PIK3R5: variants seen among roughly 807,000 people sequenced by gnomAD.
PIK3R5 encodes phosphoinositide-3-kinase regulatory subunit 5, also known as phosphoinositide 3-kinase regulatory subunit 5.
In PIK3R5, 32 loss-of-function variants were observed where a neutral mutation model predicts 94.9. The ratio of observed to expected loss-of-function variants is 0.34; its 90% CI spans 0.25 to 0.45. The LOEUF (loss-of-function observed/expected upper bound fraction) is 0.45, where lower values mean the gene tolerates loss of function less well. PIK3R5 is among the 20% of genes least tolerant of loss of function. The pLI, the probability that PIK3R5 is intolerant of heterozygous loss-of-function variation, is 1.00. For synonymous variants in PIK3R5, 443 were observed against 479.4 expected (o/e 0.92, Z 0.99); for missense variants, 853 against 1,144.6 (o/e 0.75, Z 3.68).
At chr17:8,961,156 C>A (rs1324952386) in intron 1 of PIK3R5, among the ~76,000 whole-genome samples, 1 of 152,158 alleles carries the variant, frequency 6.6e-6, no homozygotes, top group Admixed American at 6.5e-5. Flanking sequence ...CTAGGAGGAA[C>A]TGGCAGTTCA....
chr17:8,904,950 A>C lies in PIK3R5; in HGVS notation c.274-35T>G. On this transcript the variant is annotated intron_variant, in intron 4 of 18. Transcript: ENST00000447110. This position sits in a 1 kb window ranked among gnomAD's most constrained non-coding sequence, Gnocchi z 5.1. ...AGGCAGGCAACAAGCAAAGAGATCT[A>C]GGTGAGAAAAGGCTCAGATAGTCCC... The C allele has an allele frequency of 1.2e-6, 2 of 1,604,406 alleles. No individual in the cohort carries two copies. The highest frequency in any genetic ancestry group is 2.7e-5 in the African/African-American group (2 of 75,018).
Position 8,948,212 on chromosome 17 carries a change from G to C in PIK3R5, c.-14+17384C>G, listed in dbSNP as rs372403977. Among the ~76,000 whole-genome samples, 54 of 152,248 alleles carry C rather than the reference G, an allele frequency of 3.5e-4. 1 individual carries two copies. Among genetic ancestry groups the C allele is most frequent in the African/African-American group, 1.2e-3 (50 of 41,540 alleles). ...AGAGAAAGCCGAAATGCGCTCCTAT[G>C]TTGCCTCCATCTTTTCCTCCACTTA... is the stretch of plus-strand genomic sequence containing the variant. On this transcript the variant is annotated intron_variant, in intron 1 of 18. Transcript: ENST00000447110.
chr17:8,917,980 A>C (rs994390358), intron 1 of PIK3R5, among the ~76,000 whole-genome samples: 1 of 152,252 alleles, frequency 6.6e-6, no homozygotes, highest in Non-Finnish European at 1.5e-5. Flanking sequence ...TGACAAATAA[A>C]GAAGGGGGAA....
chr17:8,957,886 G>A (rs933517102), intron 1 of PIK3R5, among the ~76,000 whole-genome samples: 10 of 152,304 alleles, frequency 6.6e-5, no homozygotes, highest in Non-Finnish European at 1.2e-4. Context: ...CTCATTCCCC[G>A]CTCTATAAGC....
chr17:8,911,365 A>T lies in PIK3R5; in HGVS notation c.103+27T>A, dbSNP rs776996485. The T allele has an allele frequency of 5.7e-6, 9 of 1,580,252 alleles. No homozygotes were observed. In the African/African-American group the frequency reaches 9.4e-5, roughly 16 times the overall value. On this transcript the variant is annotated intron_variant, in intron 2 of 18. Coordinates refer to ENST00000447110, the MANE Select transcript of PIK3R5 (RefSeq NM_001142633.3). This position sits in a 1 kb window ranked among gnomAD's most constrained non-coding sequence, Gnocchi z 5.3. ...CCCTGAGGCTTCCTTGAGCCCTCAA[A>T]CACCTCCCCGGCTCCCTTGGACCGA...
intron 1 of PIK3R5, among the ~76,000 whole-genome samples, chr17:8,918,717 C>T (rs956460930): frequency 6.6e-6 from 1 of 152,050 alleles, no homozygotes; most frequent in Admixed American, 6.5e-5. Context: ...CAAAGTATTT[C>T]CCCCCAAATA....
At position 8,955,204 on chromosome 17, in the gene PIK3R5, C is replaced by T. The variant is rs1260637454; in HGVS notation, c.-14+10392G>A. Among the ~76,000 whole-genome samples, 1 of 152,256 alleles carries T rather than the reference C, an allele frequency of 6.6e-6. No individual in the cohort carries two copies. Among genetic ancestry groups the T allele is most frequent in the Admixed American group, 6.5e-5 (1 of 15,292 alleles). On this transcript the variant is annotated intron_variant, in intron 1 of 18. Transcript: ENST00000447110. The surrounding 1 kb of genome is among the most constrained non-coding windows in gnomAD (Gnocchi z 4.4). ...GGAGCAGCCCAGCCTGCCCGATCAT[C>T]AGTCATCCAAGGCTGAGGCCCGGGC...
intron 3 of PIK3R5, among the ~76,000 whole-genome samples, chr17:8,908,394 T>C (rs1396413354): frequency 1.3e-5 from 2 of 152,202 alleles, no homozygotes; most frequent in African/African-American, 2.4e-5. Context: ...CTGAGCTGGT[T>C]GGCTTATGAT....
intron 5 of PIK3R5, among the ~76,000 whole-genome samples, chr17:8,901,077 A>C (rs912666330): frequency 6.6e-6 from 1 of 152,228 alleles, no homozygotes; most frequent in African/African-American, 2.4e-5. Flanking sequence ...TTCAGTCACC[A>C]ACCAGAAGCT....
At chr17:8,900,092 G>A (rs2090247770) in intron 5 of PIK3R5, among the ~76,000 whole-genome samples, 1 of 152,022 alleles carries the variant, frequency 6.6e-6, no homozygotes. Context: ...TAAGGGTCAT[G>A]TAGAAGGTAA....
intron 1 of PIK3R5, among the ~76,000 whole-genome samples, chr17:8,942,732 A>G (rs890251000): frequency 4.6e-5 from 7 of 151,996 alleles, no homozygotes; most frequent in African/African-American, 1.7e-4. Flanking sequence ...CAGCCTCCTG[A>G]GTAGCTGGGA....
At position 8,965,705 on chromosome 17, in the gene PIK3R5, T is replaced by G. The variant is rs1030790235; in HGVS notation, c.-123A>C. On this transcript the variant is annotated 5_prime_UTR_variant, in exon 1 of 19. An upstream start codon of the reference 5' UTR is lost. Transcript: ENST00000447110. ...TGGAGCCGCGCGGCGAGCCGCAGCATCTGCCCAGCCTGGGCTCCTCCGGCG... is the reference window on the plus strand; with the variant it reads ...TGGAGCCGCGCGGCGAGCCGCAGCAGCTGCCCAGCCTGGGCTCCTCCGGCG... 21 of 152,332 alleles carry G rather than the reference T, an allele frequency of 1.4e-4. No individual in the cohort carries two copies. The highest frequency in any genetic ancestry group is 3.6e-4 in the African/African-American group (15 of 41,574). The allele number at this position is 152,332 out of a possible 1,614,324, so 9.4% of individuals were successfully genotyped here. A position where few individuals can be genotyped will look rare whatever the true frequency, so the allele number is the denominator to read the frequency against.
intron 1 of PIK3R5, among the ~76,000 whole-genome samples, chr17:8,963,609 C>G (rs888835750): frequency 4.0e-5 from 6 of 151,678 alleles, no homozygotes; most frequent in Non-Finnish European, 7.4e-5. Context: ...GCGATCATAG[C>G]TCACTGCAGC....
chr17:8,932,094 T>TAAA (rs528143983), intron 1 of PIK3R5, among the ~76,000 whole-genome samples: 1 of 152,070 alleles, frequency 6.6e-6, no homozygotes, highest in African/African-American at 2.4e-5. Flanking sequence ...ATTCAATGAA[T>TAAA]AAAAACCAAA....
chr17:8,944,295 A>G (rs1055699471), intron 1 of PIK3R5, among the ~76,000 whole-genome samples: 3 of 152,200 alleles, frequency 2.0e-5, no homozygotes, highest in African/African-American at 7.2e-5. Context: ...TCCATGGTGT[A>G]TATGTACCAC....
Position 8,962,768 on chromosome 17 carries a change from T to C in PIK3R5, c.-14+2828A>G, listed in dbSNP as rs531226372. ...CATTCAGTGCTAAAATGTGAAAATA[T>C]GTACATCTTCAAATTGATGAAATAT... On this transcript the variant is annotated intron_variant, in intron 1 of 18. Coordinates refer to ENST00000447110, the MANE Select transcript of PIK3R5 (RefSeq NM_001142633.3). Among the ~76,000 whole-genome samples the C allele has an allele frequency of 5.3e-5, 8 of 152,354 alleles. No individual in the cohort carries two copies. In the South Asian group the frequency reaches 1.7e-3, roughly 32 times the overall value.
At chr17:8,902,314 G>A (rs1420983761) in intron 5 of PIK3R5, among the ~76,000 whole-genome samples, 1 of 131,970 alleles carries the variant, frequency 7.6e-6, no homozygotes, top group Non-Finnish European at 1.5e-5. Context: ...GGAGTGCAAT[G>A]GCACGATCTT....
At chr17:8,961,753 G>A (rs537581294) in intron 1 of PIK3R5, among the ~76,000 whole-genome samples, 18 of 152,126 alleles carry the variant, frequency 1.2e-4, no homozygotes, top group East Asian at 1.9e-4. Context: ...TGTGGATGCC[G>A]AACTCTAGGG....
At chr17:8,959,552 T>C (rs1423383646) in intron 1 of PIK3R5, among the ~76,000 whole-genome samples, 1 of 152,200 alleles carries the variant, frequency 6.6e-6, no homozygotes, top group East Asian at 1.9e-4. Flanking sequence ...GAGACTCTCC[T>C]CGAAGAGTTG....
Sources: gnomAD v4.1 joint callset for allele counts (sites outside exome capture counted in the v4.1 genomes callset) on GRCh38, gnomAD v4.1.1 for gene constraint, Gnocchi (gnomAD v3.1) non-coding constraint, MANE v1.5 for transcripts, NCBI Gene and HGNC (gene_info 2026-07-23, HGNC 2026-07-21) for gene names.